Variants in NFU1 observed in about 807,000 individuals in gnomAD.
The protein encoded by NFU1 is NFU1 iron-sulfur cluster scaffold.
In NFU1, 30 loss-of-function variants were observed where a neutral mutation model predicts 32.2. That is an observed-to-expected ratio of 0.93 (90% CI 0.70 to 1.26). The LOEUF (loss-of-function observed/expected upper bound fraction) is 1.26. Ranked by LOEUF, NFU1 falls within the 50% of genes most tolerant of loss-of-function variation. The pLI is 0.00. For synonymous variants in NFU1, 112 were observed against 104.6 expected, an observed-to-expected ratio of 1.07 and a Z score of -0.43; for missense variants, 306 against 306.6, an observed-to-expected ratio of 1.00 and a Z score of 0.02.
intron 7 of NFU1, among the ~76,000 whole-genome samples, chr2:69,397,967 T>C (rs889664167): frequency 6.7e-6 from 1 of 149,672 alleles, no homozygotes; most frequent in Non-Finnish European, 1.5e-5. Context: ...AGACAATCAA[T>C]AGAAAAAGAA....
At chr2:69,408,502 T>C (rs1001686248) in intron 5 of NFU1, among the ~76,000 whole-genome samples, 1 of 151,874 alleles carries the variant, frequency 6.6e-6, no homozygotes, top group African/African-American at 2.4e-5. Flanking sequence ...GGCAGATCAC[T>C]TGAGGTCAGG....
chr2:69,419,548 G>T lies in NFU1; in HGVS notation c.359C>A (p.Thr120Asn), dbSNP rs1335827751. 5 of 1,576,572 alleles carry T rather than the reference G, an allele frequency of 3.2e-6. No individual in the cohort carries two copies. Among genetic ancestry groups the T allele is most frequent in the Admixed American group, 1.7e-5 (1 of 59,614 alleles). The change falls in exon 4 of 8, where the codon ACT (threonine) becomes AAT (asparagine). Residue 120 changes from threonine (T) to asparagine (N), a missense_variant. Transcript: ENST00000410022. The stretch of plus-strand genomic sequence containing the variant: ...TAATCCTATGTTTACCTTTGTGACA[G>T]TGATGAAATCTGGTCCAAAGAAGAC... ...KSVFFGPDFITVTKENEELDW... is the reference protein window; with the variant it reads ...KSVFFGPDFINVTKENEELDW...
intron 5 of NFU1, among the ~76,000 whole-genome samples, chr2:69,406,718 T>C (rs1245728772): frequency 2.0e-5 from 3 of 152,072 alleles, no homozygotes; most frequent in African/African-American, 7.2e-5. Flanking sequence ...ACCACAGGTG[T>C]GAGCCACCAC....
At chr2:69,398,683 C>T (rs573219517) in intron 7 of NFU1, among the ~76,000 whole-genome samples, 28 of 152,276 alleles carry the variant, frequency 1.8e-4, no homozygotes, top group African/African-American at 6.3e-4. Context: ...CTGAGTCTAG[C>T]GGGTAACAAT....
At chr2:69,396,945 G>A (rs931356837) in intron 7 of NFU1, among the ~76,000 whole-genome samples, 11 of 151,870 alleles carry the variant, frequency 7.2e-5, no homozygotes, top group African/African-American at 9.7e-5. Context: ...GGTGGTGGGC[G>A]CCTGTAGTCC....
chr2:69,403,615 C>T (rs978691063), intron 6 of NFU1, among the ~76,000 whole-genome samples: 2 of 152,084 alleles, frequency 1.3e-5, no homozygotes, highest in South Asian at 2.1e-4. Context: ...AACTTCTGAG[C>T]TCAAGCAATC....
At chr2:69,411,271 C>G (rs866452987) in intron 5 of NFU1, 1 of 152,100 alleles carries the variant, frequency 6.6e-6, no homozygotes, top group Non-Finnish European at 1.5e-5. Context: ...ATGACAGTAT[C>G]TTTGTGATAC....
At chr2:69,403,904 T>C (rs900882763) in intron 6 of NFU1, among the ~76,000 whole-genome samples, 3 of 151,346 alleles carry the variant, frequency 2.0e-5, no homozygotes, top group Admixed American at 2.0e-4. Flanking sequence ...AGTGGTGCAA[T>C]CTTGGGTCAC....
intron 4 of NFU1, among the ~76,000 whole-genome samples, chr2:69,418,346 G>A (rs1283037852): frequency 6.6e-6 from 1 of 152,122 alleles, no homozygotes; most frequent in Non-Finnish European, 1.5e-5. Flanking sequence ...GCTGCAGTGA[G>A]CTGAGATCAT....
At chr2:69,437,315 T>G in intron 1 of NFU1, 46 bp downstream of exon 1, 1 of 1,582,558 alleles carries the variant, frequency 6.3e-7, no homozygotes, top group Non-Finnish European at 8.6e-7. Context: ...CTCCGCTGGC[T>G]AAGCCCAGCG....
chr2:69,400,286 A>T (rs1435843988), intron 7 of NFU1, 78 bp downstream of exon 7: 2 of 1,298,404 alleles, frequency 1.5e-6, no homozygotes, highest in Admixed American at 1.7e-5. Flanking sequence ...TTGCCTTAAC[A>T]TCTATTTCCA....
At chr2:69,439,448 G>A (rs114297252), upstream of NFU1, among the ~76,000 whole-genome samples, 511 of 152,322 alleles carry the variant, frequency 3.4e-3, 3 homozygotes, top group African/African-American at 9.6e-3. Context: ...AGACCTTTGC[G>A]ATGGGTGTTA....
chr2:69,412,198 G>A (rs545310434), intron 5 of NFU1, among the ~76,000 whole-genome samples: 3 of 151,580 alleles, frequency 2.0e-5, no homozygotes, highest in South Asian at 2.1e-4. Context: ...CTACAGGCAC[G>A]TGCCACCATG....
At chr2:69,407,368 T>G (rs968116885) in intron 5 of NFU1, among the ~76,000 whole-genome samples, 1 of 152,108 alleles carries the variant, frequency 6.6e-6, no homozygotes, top group Non-Finnish European at 1.5e-5. Context: ...AAAATTAAAT[T>G]ATATTAACAT....
intron 5 of NFU1, among the ~76,000 whole-genome samples, chr2:69,414,753 G>A (rs1205053799): frequency 1.3e-5 from 2 of 151,842 alleles, no homozygotes; most frequent in Non-Finnish European, 2.9e-5. Context: ...ACTAGGAAGG[G>A]AAAAGGGATG....
At chr2:69,402,784 T>C (rs1353751478) in intron 6 of NFU1, among the ~76,000 whole-genome samples, 2 of 151,982 alleles carry the variant, frequency 1.3e-5, no homozygotes, top group Admixed American at 6.6e-5. Context: ...GGTTTCTCCA[T>C]GTTGGTCAGG....
At chr2:69,397,606 G>C (rs564984327) in intron 7 of NFU1, among the ~76,000 whole-genome samples, 2 of 84,306 alleles carry the variant, frequency 2.4e-5, no homozygotes, top group African/African-American at 1.8e-4. Context: ...AACAAAGTAA[G>C]GTTTTTTTTT....
chr2:69,423,243 AGTGTGTGTGTGTGTGTGT>A lies in NFU1; in HGVS notation c.302+321_302+338del, dbSNP rs772105664. Among the ~76,000 whole-genome samples the A allele has an allele frequency of 0.023, 2,049 of 87,888 alleles. 28 individuals carry two copies. Among genetic ancestry groups the A allele is most frequent in the African/African-American group, 0.049 (995 of 20,126 alleles). 57.7% of individuals were successfully genotyped at this position (87,888 alleles called of 152,430 possible). On this transcript the variant is annotated intron_variant, in intron 3 of 7. Transcript: ENST00000410022. ...CGGGTAGAGATGGGCTCTCTGTGTG[AGTGTGTGTGTGTGTGTGT>A]GTGTGTGTGTGTGTGTGTGTGTGTG...
At position 69,423,583 on chromosome 2, in the gene NFU1, T is replaced by C. The variant is rs2104792930; in HGVS notation, c.301A>G (p.Arg101Gly). Residue 101 changes from arginine (R) to glycine (G), a missense_variant and splice_region_variant, in exon 3 of 8, where the codon AGG becomes GGG. By Grantham distance (125) the Arg-to-Gly change is moderately radical (BLOSUM62 -2). Transcript: ENST00000410022. Reference protein sequence around the residue: ...PAAAFRSPLARQLFRIEGVKS... With the variant: ...PAAAFRSPLAGQLFRIEGVKS... ...AAGCAAATGAAAACAGTAATATACCTAGCCAGAGGGGAGCGAAATGCTGCA... is the reference window on the plus strand; with the variant it reads ...AAGCAAATGAAAACAGTAATATACCCAGCCAGAGGGGAGCGAAATGCTGCA... 27 of 1,613,042 alleles carry C rather than the reference T, an allele frequency of 1.7e-5. 1 individual carries two copies. The highest frequency in any genetic ancestry group is 1.1e-4 in the African/African-American group (8 of 75,000).
Sources: allele counts gnomAD v4.1 joint callset (sites outside exome capture counted in the v4.1 genomes callset), GRCh38; gene constraint gnomAD v4.1.1; transcripts MANE v1.5; gene names NCBI Gene and HGNC (gene_info 2026-07-23, HGNC 2026-07-21).